MGST1: variants seen among roughly 807,000 people sequenced by gnomAD.
MGST1 encodes the protein microsomal glutathione S-transferase 1.
In MGST1, 5 loss-of-function variants were observed where a neutral mutation model predicts 8.9. The ratio of observed to expected loss-of-function variants is 0.56; its 90% CI spans 0.29 to 1.19. The LOEUF is 1.19. Ranked by LOEUF, MGST1 falls within the 50% of genes most tolerant of loss-of-function variation. The pLI is 0.08. For missense variants in MGST1, 182 were observed against 187.4 expected, an observed-to-expected ratio of 0.97 and a Z score of 0.17; for synonymous variants, 54 against 67.8, an observed-to-expected ratio of 0.80 and a Z score of 1.00.
At chr12:16,527,119 C>T (rs538923011) in intron 4 of MGST1, among the ~76,000 whole-genome samples, 2 of 152,046 alleles carry the variant, frequency 1.3e-5, no homozygotes, top group East Asian at 3.9e-4. Flanking sequence ...AATACAAATA[C>T]CCAGTTTGAC....
intron 4 of MGST1, among the ~76,000 whole-genome samples, chr12:16,574,424 A>G (rs1942929074): frequency 6.6e-6 from 1 of 152,046 alleles, no homozygotes; most frequent in Admixed American, 6.6e-5. Flanking sequence ...CTGCTCTCCA[A>G]CCTAAAATCT....
downstream of MGST1, among the ~76,000 whole-genome samples, chr12:16,365,055 T>C (rs1363559966): frequency 6.6e-6 from 1 of 152,138 alleles, no homozygotes; most frequent in East Asian, 1.9e-4. Flanking sequence ...GTTTGCCCTG[T>C]TATTGGTGAT....
chr12:16,493,011 C>T (rs1162072604), intron 4 of MGST1, among the ~76,000 whole-genome samples: 1 of 152,152 alleles, frequency 6.6e-6, no homozygotes, highest in Non-Finnish European at 1.5e-5. Flanking sequence ...TAATTTTCTC[C>T]CCCGAGGAAT....
intron 1 of MGST1, among the ~76,000 whole-genome samples, chr12:16,394,965 T>C (rs537596831): frequency 9.2e-5 from 14 of 152,210 alleles, no homozygotes; most frequent in Admixed American, 9.2e-4. Flanking sequence ...ATCAATTTTA[T>C]GTATAGCAAA....
chr12:16,466,540 C>T (rs534084147), intron 4 of MGST1, among the ~76,000 whole-genome samples: 1 of 152,144 alleles, frequency 6.6e-6, no homozygotes, highest in Non-Finnish European at 1.5e-5. Context: ...GTTGATACCA[C>T]ACTGAAGAAA....
At chr12:16,523,222 T>G (rs1303611487) in intron 4 of MGST1, among the ~76,000 whole-genome samples, 1 of 152,032 alleles carries the variant, frequency 6.6e-6, no homozygotes, top group African/African-American at 2.4e-5. Context: ...GAAATGTTAT[T>G]CCTGCTATCA....
At chr12:16,441,846 G>T (rs193102916), downstream of MGST1, among the ~76,000 whole-genome samples, 14 of 151,868 alleles carry the variant, frequency 9.2e-5, no homozygotes, top group African/African-American at 3.4e-4. Context: ...CAAGTGCTTT[G>T]GGAGAGGGAT....
chr12:16,487,247 G>T (rs1338257759), intron 4 of MGST1, among the ~76,000 whole-genome samples: 1 of 152,010 alleles, frequency 6.6e-6, no homozygotes, highest in Non-Finnish European at 1.5e-5. Context: ...TTCAATAAAA[G>T]AAATCCCATT....
intron 1 of MGST1, among the ~76,000 whole-genome samples, chr12:16,395,471 A>G (rs984059385): frequency 2.0e-5 from 3 of 152,166 alleles, no homozygotes; most frequent in African/African-American, 4.8e-5. Context: ...ATTTGGTTAC[A>G]TGAGTAAGTT....
Position 16,546,410 on chromosome 12 carries a change from A to C in MGST1, n.483-43118A>C, listed in dbSNP as rs1037461833. Among the ~76,000 whole-genome samples, 1 of 152,142 alleles carries C rather than the reference A, an allele frequency of 6.6e-6. No homozygotes were observed. The highest frequency in any genetic ancestry group is 2.4e-5 in the African/African-American group (1 of 41,436). On this transcript the variant is annotated intron_variant and non_coding_transcript_variant, in intron 4 of 4. Transcript: ENST00000538857. This position sits in a 1 kb window ranked among gnomAD's most constrained non-coding sequence, Gnocchi z 4.7. The stretch of plus-strand genomic sequence containing the variant: ...TTTCGAGTATTCAGCTTCTGAGTCC[A>C]GAATACCAATTGTGTAAAAAGTGCA...
intron 3 of MGST1, among the ~76,000 whole-genome samples, chr12:16,359,199 C>G (rs1435970524): frequency 6.6e-6 from 1 of 152,198 alleles, no homozygotes; most frequent in African/African-American, 2.4e-5. Context: ...TCAGCGTCCT[C>G]TCTTTGCAGA....
In MGST1 at chr12:16,548,624, G is replaced by C. The variant is rs1489600644; in HGVS notation, n.483-40904G>C. ...CGGAGGTGTCCTACTGGAGGCATCA[G>C]ACAACAAGCTAAATGACGTTAGGGC... On this transcript the variant is annotated intron_variant and non_coding_transcript_variant, in intron 4 of 4. Coordinates refer to the MGST1 transcript ENST00000538857. The surrounding 1 kb of genome is among the most constrained non-coding windows in gnomAD (Gnocchi z 4.2). The C allele has an allele frequency of 6.6e-6, 1 of 152,118 alleles. No individual in the cohort carries two copies. The highest frequency in any genetic ancestry group is 1.9e-4 in the East Asian group (1 of 5,182). The allele number at this position is 152,118 out of a possible 1,614,324, so 9.4% of individuals were successfully genotyped here. A position where few individuals can be genotyped will look rare whatever the true frequency, so the allele number is the denominator to read the frequency against.
At chr12:16,439,940 C>T (rs1388498710), downstream of MGST1, among the ~76,000 whole-genome samples, 2 of 151,772 alleles carry the variant, frequency 1.3e-5, no homozygotes, top group Non-Finnish European at 2.9e-5. Flanking sequence ...TCAAAATTGG[C>T]TCTTCAGCAA....
intron 1 of MGST1, among the ~76,000 whole-genome samples, chr12:16,419,939 A>T (rs1403096496): frequency 1.3e-5 from 2 of 152,172 alleles, no homozygotes; most frequent in Non-Finnish European, 2.9e-5. Context: ...TGTGATGGAG[A>T]CATATTGGCA....
chr12:16,408,436 T>C (rs1698353249), intron 1 of MGST1, among the ~76,000 whole-genome samples: 1 of 152,200 alleles, frequency 6.6e-6, no homozygotes, highest in Non-Finnish European at 1.5e-5. Flanking sequence ...GAATATAGAA[T>C]TATAATGTGA....
rs1204027153 is a variant in MGST1 at position 16,401,693 on chromosome 12, G to T, written n.778+18089G>T. The stretch of plus-strand genomic sequence containing the variant: ...TGCCACCACTCTGAATGATAGGAGG[G>T]TAACACATTTCCACAGTAGAAGGGT... On this transcript the variant is annotated intron_variant and non_coding_transcript_variant, in intron 1 of 1. Coordinates refer to the MGST1 transcript ENST00000359720. The surrounding 1 kb of genome is among the most constrained non-coding windows in gnomAD (Gnocchi z 4.3). The T allele has an allele frequency of 6.2e-7, 1 of 1,603,446 alleles. No homozygotes were observed. The highest frequency in any genetic ancestry group is 8.5e-7 in the Non-Finnish European group (1 of 1,170,336).
intron 4 of MGST1, among the ~76,000 whole-genome samples, chr12:16,487,298 C>T (rs721602): frequency 0.47 from 71,348 of 151,984 alleles, 17,895 homozygotes; most frequent in Non-Finnish European, 0.58. Context: ...CCAACACCAA[C>T]AACAAAAAAA....
intron 4 of MGST1, among the ~76,000 whole-genome samples, chr12:16,501,993 G>A (rs1033671492): frequency 6.6e-6 from 1 of 152,066 alleles, no homozygotes; most frequent in Admixed American, 6.5e-5. Flanking sequence ...TATTTAAACA[G>A]AAGTGAATTA....
chr12:16,433,124 A>T (rs955892124), intron 1 of MGST1, among the ~76,000 whole-genome samples: 2 of 152,104 alleles, frequency 1.3e-5, no homozygotes, highest in African/African-American at 4.8e-5. Context: ...AAAACTGAAG[A>T]ACTTGGAGTC....
Sources: allele counts gnomAD v4.1 joint callset (sites outside exome capture counted in the v4.1 genomes callset), GRCh38; gene constraint gnomAD v4.1.1; non-coding constraint Gnocchi (gnomAD v3.1); transcripts MANE v1.5; gene names NCBI Gene and HGNC (gene_info 2026-07-23, HGNC 2026-07-21).